TPRG1: variants seen among roughly 807,000 people sequenced by gnomAD.
TPRG1 encodes tumor protein p63-regulated gene 1 protein.
Under a neutral mutation model 29.3 loss-of-function variants are expected in TPRG1, and 29 were observed. The ratio of observed to expected loss-of-function variants is 0.99; its 90% CI spans 0.74 to 1.35. TPRG1 has a LOEUF of 1.35. TPRG1 is among the 40% of genes most tolerant of loss of function. The pLI is 0.00. For missense variants in TPRG1, 327 were observed against 335.0 expected, an observed-to-expected ratio of 0.98 and a Z score of 0.19; for synonymous variants, 130 against 116.8, an observed-to-expected ratio of 1.11 and a Z score of -0.73.
intron 4 of TPRG1, among the ~76,000 whole-genome samples, chr3:189,057,056 G>A (rs540037072): frequency 1.1e-4 from 16 of 152,266 alleles, no homozygotes; most frequent in African/African-American, 3.9e-4. Context: ...CTAAATTAAT[G>A]GCTTGACATC....
chr3:189,296,374 G>A lies in TPRG1; in HGVS notation c.480-14012G>A, dbSNP rs148796297. Among the ~76,000 whole-genome samples the A allele has an allele frequency of 3.6e-3, 556 of 152,336 alleles. 6 individuals carry two copies. The East Asian group carries it at 0.041, about 11-fold the overall frequency. ...TTGATGGTGAATTTCAGGTGAGTCA[G>A]CAATGTGGTAAATCACCAACACAGC... On this transcript the variant is annotated intron_variant, in intron 4 of 5. Coordinates refer to ENST00000345063, the MANE Select transcript of TPRG1 (RefSeq NM_198485.4).
At chr3:189,316,010 A>T (rs1294099124) in intron 5 of TPRG1, among the ~76,000 whole-genome samples, 2 of 152,234 alleles carry the variant, frequency 1.3e-5, no homozygotes, top group Non-Finnish European at 2.9e-5. Flanking sequence ...AGACATTTTA[A>T]TTAGAGGAAA....
intron 4 of TPRG1, among the ~76,000 whole-genome samples, chr3:189,035,497 A>C (rs1182070741): frequency 1.3e-5 from 2 of 152,156 alleles, no homozygotes; most frequent in African/African-American, 4.8e-5. Context: ...ATAAACAGGC[A>C]TCATACAGAA....
upstream of TPRG1, among the ~76,000 whole-genome samples, chr3:189,099,307 G>A (rs1235672898): frequency 6.6e-6 from 1 of 152,104 alleles, no homozygotes; most frequent in Non-Finnish European, 1.5e-5. Flanking sequence ...AGTGTCACAT[G>A]GTGTGTGGAG....
At chr3:189,061,084 G>A (rs999968954) in intron 4 of TPRG1, among the ~76,000 whole-genome samples, 8 of 152,200 alleles carry the variant, frequency 5.3e-5, no homozygotes, top group African/African-American at 1.7e-4. Flanking sequence ...CATGATACTG[G>A]TATGAAAATA....
intron 2 of TPRG1, among the ~76,000 whole-genome samples, chr3:189,127,968 C>T (rs1289965426): frequency 6.6e-6 from 1 of 152,188 alleles, no homozygotes; most frequent in African/African-American, 2.4e-5. Context: ...CACTACAGGT[C>T]CCAAGAGGTG....
intron 4 of TPRG1, among the ~76,000 whole-genome samples, chr3:189,307,314 G>A (rs535668830): frequency 4.6e-5 from 7 of 152,262 alleles, no homozygotes; most frequent in African/African-American, 9.6e-5. Flanking sequence ...GTGAGTCACC[G>A]CACCTGGCCA....
chr3:189,284,448 T>C (rs1717706655), intron 4 of TPRG1, among the ~76,000 whole-genome samples: 1 of 148,184 alleles, frequency 6.7e-6, no homozygotes, highest in Non-Finnish European at 1.5e-5. Context: ...AGTGAGAACA[T>C]GTGGTGTTTG....
intron 4 of TPRG1, chr3:189,240,720 T>C: frequency 6.6e-6 from 1 of 152,158 alleles, no homozygotes; most frequent in Non-Finnish European, 1.5e-5. Context: ...GAATTGTGGG[T>C]GTTACAATTC....
At chr3:189,244,753 T>C (rs1443493382) in intron 4 of TPRG1, among the ~76,000 whole-genome samples, 2 of 152,134 alleles carry the variant, frequency 1.3e-5, no homozygotes, top group Non-Finnish European at 2.9e-5. Flanking sequence ...AAGATGAGAA[T>C]TGGTGGGGAC....
Position 189,102,879 on chromosome 3 carries a change from G to A in TPRG1, c.-744+2675G>A, listed in dbSNP as rs570822404. 3.4e-4 allele frequency among the ~76,000 whole-genome samples: 52 copies of A among 152,206 alleles called. No individual in the cohort carries two copies. The South Asian group carries it at 5.4e-3, about 16-fold the overall frequency. On this transcript the variant is annotated intron_variant, in intron 1 of 6. Coordinates refer to the TPRG1 transcript ENST00000412373. ...ACTTCTGGTAGGTCCTCAAACGCCA[G>A]GGTCTACCAAAGCTCATTGCACTTG...
chr3:189,284,812 G>A (rs138995217), intron 4 of TPRG1, among the ~76,000 whole-genome samples: 5,356 of 152,242 alleles, frequency 0.035, 111 homozygotes, highest in Middle Eastern at 0.051. Context: ...AGACTTAAAT[G>A]TTAGACCTAA....
chr3:189,260,810 G>A (rs995971334), intron 4 of TPRG1, among the ~76,000 whole-genome samples: 1 of 152,040 alleles, frequency 6.6e-6, no homozygotes, highest in Non-Finnish European at 1.5e-5. Flanking sequence ...CTTAGTGTCA[G>A]CAGGTGGAGG....
intron 4 of TPRG1, among the ~76,000 whole-genome samples, chr3:189,263,099 G>GC (rs1401617310): frequency 1.3e-5 from 2 of 152,232 alleles, no homozygotes; most frequent in African/African-American, 4.8e-5. Context: ...ACTAAATCCA[G>GC]CCCACACTCC....
chr3:189,278,630 C>T (rs530888116), intron 4 of TPRG1, among the ~76,000 whole-genome samples: 158 of 152,292 alleles, frequency 1.0e-3, no homozygotes, highest in Middle Eastern at 3.4e-3. Flanking sequence ...TTCTGGCAAG[C>T]GTCAAGATCT....
chr3:189,132,311 A>G (rs1578466967), intron 2 of TPRG1: 1 of 152,232 alleles, frequency 6.6e-6, no homozygotes, highest in Non-Finnish European at 1.5e-5. Flanking sequence ...CTGGAACCCT[A>G]TCATCAGAGC....
chr3:189,049,278 G>T (rs1055541558), intron 4 of TPRG1, among the ~76,000 whole-genome samples: 5 of 152,288 alleles, frequency 3.3e-5, no homozygotes, highest in Non-Finnish European at 7.4e-5. Context: ...CCTCCACCTG[G>T]AAACAGGCTT....
intron 3 of TPRG1, among the ~76,000 whole-genome samples, chr3:189,145,749 A>G (rs1725182602): frequency 6.6e-6 from 1 of 152,242 alleles, no homozygotes; most frequent in African/African-American, 2.4e-5. Flanking sequence ...CAATGAAGCA[A>G]ATCTGAACTT....
chr3:189,074,735 A>G (rs1319388820), intron 4 of TPRG1, among the ~76,000 whole-genome samples: 1 of 151,912 alleles, frequency 6.6e-6, no homozygotes, highest in Non-Finnish European at 1.5e-5. Flanking sequence ...TTTTTAAAAT[A>G]TCTTTGAATC....
Sources: allele counts gnomAD v4.1 joint callset (sites outside exome capture counted in the v4.1 genomes callset), GRCh38; gene constraint gnomAD v4.1.1; transcripts MANE v1.5; gene names NCBI Gene and HGNC (gene_info 2026-07-23, HGNC 2026-07-21).